Variants in HSH2D observed in about 807,000 individuals in gnomAD.
HSH2D encodes hematopoietic SH2 domain-containing protein.
A neutral mutation model predicts 21.5 loss-of-function variants in HSH2D; 16 were observed. The observed-to-expected ratio is 0.74, with a 90% confidence interval of 0.50 to 1.13. The LOEUF (loss-of-function observed/expected upper bound fraction) is 1.13. HSH2D is among the 50% of genes most tolerant of loss of function. The pLI is 0.00. For synonymous variants in HSH2D, 172 were observed against 184.7 expected (o/e 0.93, Z 0.56); for missense variants, 418 against 441.4 (o/e 0.95, Z 0.47).
upstream of HSH2D, among the ~76,000 whole-genome samples, chr19:16,139,439 G>A (rs536968513): frequency 1.7e-4 from 26 of 152,240 alleles, 1 homozygote; most frequent in African/African-American, 4.8e-4. Context: ...AAAATTAACC[G>A]GGCATGGTGG....
At chr19:16,139,041 A>G (rs2090982490), upstream of HSH2D, among the ~76,000 whole-genome samples, 1 of 152,030 alleles carries the variant, frequency 6.6e-6, no homozygotes, top group Admixed American at 6.6e-5. Context: ...TGTTTTTAGT[A>G]TAGACAGGGT....
chr19:16,143,888 G>T (rs559618337), intron 1 of HSH2D, 114 bp downstream of exon 1: 6 of 263,990 alleles, frequency 2.3e-5, no homozygotes, highest in South Asian at 1.6e-4. Flanking sequence ...TTTTCTAGGG[G>T]CATGGGGGAG....
intron 1 of HSH2D, among the ~76,000 whole-genome samples, chr19:16,137,139 A>T (rs905610156): frequency 6.6e-6 from 1 of 152,030 alleles, no homozygotes; most frequent in African/African-American, 2.4e-5. Flanking sequence ...TCAACAACTG[A>T]ACTTAGTTTC....
chr19:16,153,456 G>A (rs1206891048), intron 4 of HSH2D, among the ~76,000 whole-genome samples: 1 of 152,252 alleles, frequency 6.6e-6, no homozygotes, highest in Non-Finnish European at 1.5e-5. Context: ...TCATGTGCCA[G>A]GTATAATCTT....
chr19:16,150,235 C>T (rs935445122), intron 2 of HSH2D, among the ~76,000 whole-genome samples: 9 of 151,740 alleles, frequency 5.9e-5, no homozygotes, highest in African/African-American at 2.2e-4. Context: ...CATAGTGAGA[C>T]TCCATCTCTA....
At chr19:16,151,339 AAAAG>A (rs2091146572) in intron 2 of HSH2D, 2 of 258,230 alleles carry the variant, frequency 7.7e-6, no homozygotes, top group Non-Finnish European at 7.9e-6. Flanking sequence ...AAAAAAAAAA[AAAAG>A]AGAGAGAGAG....
intron 2 of HSH2D, among the ~76,000 whole-genome samples, chr19:16,149,179 G>C (rs943539527): frequency 6.6e-6 from 1 of 152,092 alleles, no homozygotes; most frequent in Non-Finnish European, 1.5e-5. Flanking sequence ...ACCAATCAAC[G>C]ATGGCAGCAT....
chr19:16,151,544 C>A (rs1237735103), intron 2 of HSH2D: 2 of 455,736 alleles, frequency 4.4e-6, no homozygotes, highest in South Asian at 3.1e-5. Flanking sequence ...GACAGTAGAG[C>A]TGGGTTATGA....
At chr19:16,135,659 T>C (rs1195885021) in intron 1 of HSH2D, among the ~76,000 whole-genome samples, 2 of 152,190 alleles carry the variant, frequency 1.3e-5, no homozygotes, top group African/African-American at 2.4e-5. Flanking sequence ...TGCCACACCC[T>C]AGTCTTGTAG....
intron 1 of HSH2D, 67 bp from the exon 2 acceptor site, chr19:16,148,657 C>A (rs1568329907): frequency 6.6e-7 from 1 of 1,520,284 alleles, no homozygotes; most frequent in East Asian, 2.3e-5. Context: ...CCACAAGCTT[C>A]AAGAATAGAG....
intron 1 of HSH2D, among the ~76,000 whole-genome samples, chr19:16,144,599 C>T (rs1179134800): frequency 6.6e-6 from 1 of 151,498 alleles, no homozygotes; most frequent in African/African-American, 2.4e-5. Flanking sequence ...GGACAGAGAG[C>T]CATTAAGTGA....
At chr19:16,151,007 A>T (rs2091141221) in intron 2 of HSH2D, among the ~76,000 whole-genome samples, 1 of 152,128 alleles carries the variant, frequency 6.6e-6, no homozygotes, top group South Asian at 2.1e-4. Flanking sequence ...CCTCTCTGTG[A>T]ACTCCAGATA....
intron 4 of HSH2D, 46 bp from the exon 5 acceptor site, chr19:16,154,353 T>C (rs1291700961): frequency 5.8e-6 from 8 of 1,377,096 alleles, no homozygotes; most frequent in South Asian, 1.3e-5. Context: ...GTGCAGGACC[T>C]TTCCCCCTCC....
chr19:16,152,563 A>G lies in HSH2D; in HGVS notation c.137A>G (p.Asn46Ser), dbSNP rs2091173478. 3 of 1,499,222 alleles carry G rather than the reference A, an allele frequency of 2.0e-6. No homozygotes were observed. In the South Asian group the frequency reaches 4.2e-5, roughly 21 times the overall value. The allele number at this position is 1,499,222 out of a possible 1,614,324, so 92.9% of individuals were successfully genotyped here. A position where few individuals can be genotyped will look rare whatever the true frequency, so the allele number is the denominator to read the frequency against. ...HGAISREDAE[N>S]LLESQPLGSF... Reference sequence around the variant, plus strand: ...GTGTGCCCTTCCAGGGATGCTGAGAACTTGCTGGAGTCACAGCCACTGGGA... The same window carrying G: ...GTGTGCCCTTCCAGGGATGCTGAGAGCTTGCTGGAGTCACAGCCACTGGGA... Residue 46 changes from asparagine to serine, a missense_variant, in exon 3 of 6, where the codon AAC becomes AGC. Physicochemically the swap from Asn to Ser is conservative, Grantham distance 46. Transcript: ENST00000613986.
intron 4 of HSH2D, among the ~76,000 whole-genome samples, chr19:16,153,816 G>A (rs1274749512): frequency 1.4e-5 from 2 of 145,862 alleles, no homozygotes; most frequent in Non-Finnish European, 3.0e-5. Context: ...GCTGAGGGGG[G>A]TTATCTCTCC....
intron 1 of HSH2D, among the ~76,000 whole-genome samples, chr19:16,137,913 A>G (rs2090975043): frequency 6.6e-6 from 1 of 151,566 alleles, no homozygotes; most frequent in Non-Finnish European, 1.5e-5. Context: ...CTTGTTCCCC[A>G]AGAAAAGTGC....
chr19:16,136,237 T>G (rs1469407004), intron 1 of HSH2D, among the ~76,000 whole-genome samples: 2 of 152,170 alleles, frequency 1.3e-5, no homozygotes, highest in Non-Finnish European at 2.9e-5. Flanking sequence ...ATGGCCACTT[T>G]GGGAAACTTG....
chr19:16,140,357 CA>C (rs2090991687), upstream of HSH2D, among the ~76,000 whole-genome samples: 1 of 152,118 alleles, frequency 6.6e-6, no homozygotes, highest in Admixed American at 6.5e-5. Context: ...ATAATCCCAG[CA>C]CTTTGGGAGG....
intron 2 of HSH2D, among the ~76,000 whole-genome samples, chr19:16,149,462 C>T (rs1241795901): frequency 6.6e-6 from 1 of 152,102 alleles, no homozygotes; most frequent in Admixed American, 6.6e-5. Flanking sequence ...CTCGGCCTCC[C>T]GAAGTGCTGG....
Sources: gnomAD v4.1 joint callset for allele counts (sites outside exome capture counted in the v4.1 genomes callset) on GRCh38, gnomAD v4.1.1 for gene constraint, MANE v1.5 for transcripts, NCBI Gene and HGNC (gene_info 2026-07-23, HGNC 2026-07-21) for gene names.